ZSCAN23: variants seen among roughly 807,000 people sequenced by gnomAD.
The protein encoded by ZSCAN23 is zinc finger and SCAN domain-containing protein 23.
A neutral mutation model predicts 19.3 loss-of-function variants in ZSCAN23; 19 were observed. That is an observed-to-expected ratio of 0.99 (90% CI 0.69 to 1.45). The LOEUF (loss-of-function observed/expected upper bound fraction) is 1.45, where lower values mean the gene tolerates loss of function less well. Among genes scored for constraint, ZSCAN23 ranks in the 40% most tolerant of loss-of-function variants. The pLI, the probability that ZSCAN23 is intolerant of heterozygous loss-of-function variation, is 0.00. For synonymous variants in ZSCAN23, 140 were observed against 166.2 expected (o/e 0.84, Z 1.21); for missense variants, 372 against 462.5 (o/e 0.80, Z 1.79).
At chr6:28,440,838 T>G (rs1027706143) in intron 1 of ZSCAN23, among the ~76,000 whole-genome samples, 4 of 152,190 alleles carry the variant, frequency 2.6e-5, no homozygotes, top group African/African-American at 9.7e-5. Flanking sequence ...ATTTTTGCTT[T>G]CCTTCACCTG....
chr6:28,439,290 T>C (rs1447511680), intron 1 of ZSCAN23, among the ~76,000 whole-genome samples: 2 of 152,088 alleles, frequency 1.3e-5, no homozygotes, highest in Non-Finnish European at 2.9e-5. Flanking sequence ...GGTTTCACCA[T>C]GTTGGCCAGG....
At chr6:28,424,564 CA>C in the ZSCAN23 span, among the ~76,000 whole-genome samples, 1 of 152,212 alleles carries the variant, frequency 6.6e-6, no homozygotes, top group African/African-American at 2.4e-5. Flanking sequence ...ACTGCTTTAT[CA>C]GTCAAGTTTA....
chr6:28,428,529 C>G (rs1024128291), downstream of ZSCAN23, among the ~76,000 whole-genome samples: 1 of 152,196 alleles, frequency 6.6e-6, no homozygotes, highest in African/African-American at 2.4e-5. Flanking sequence ...AATCTGTAAT[C>G]TTTAACACAG....
chr6:28,426,330 G>A, the ZSCAN23 span, among the ~76,000 whole-genome samples: 3 of 152,136 alleles, frequency 2.0e-5, no homozygotes, highest in Admixed American at 6.6e-5. Flanking sequence ...TTCCTTTCAC[G>A]TGAACACTGA....
At chr6:28,426,007 C>T in the ZSCAN23 span, among the ~76,000 whole-genome samples, 4 of 152,198 alleles carry the variant, frequency 2.6e-5, no homozygotes, top group South Asian at 2.1e-4. Context: ...CTCTCTCAGC[C>T]GTCACAGAAT....
chr6:28,442,506 T>G (rs1161383761), intron 1 of ZSCAN23, among the ~76,000 whole-genome samples: 4 of 152,348 alleles, frequency 2.6e-5, no homozygotes, highest in African/African-American at 9.6e-5. Context: ...GGCTGTTTCA[T>G]CAGGTTTGCA....
At chr6:28,439,841 A>G (rs558263656) in intron 1 of ZSCAN23, among the ~76,000 whole-genome samples, 9 of 152,302 alleles carry the variant, frequency 5.9e-5, no homozygotes, top group South Asian at 2.1e-4. Flanking sequence ...AAACCCAACA[A>G]ATCTGACATC....
chr6:28,442,938 T>G (rs1160291365), intron 1 of ZSCAN23, among the ~76,000 whole-genome samples: 1 of 152,198 alleles, frequency 6.6e-6, no homozygotes, highest in African/African-American at 2.4e-5. Flanking sequence ...GTAGATGCTA[T>G]TTATTCTTTT....
the ZSCAN23 span, among the ~76,000 whole-genome samples, chr6:28,421,891 C>CA: frequency 2.6e-5 from 4 of 151,376 alleles, no homozygotes; most frequent in Non-Finnish European, 5.9e-5. Context: ...ACAAAATGAA[C>CA]AAAAAAAAGT....
In ZSCAN23 at chr6:28,434,929, A is replaced by G. The variant is rs745407757; in HGVS notation, c.706T>C (p.Leu236=). Residue 236 remains leucine, a synonymous_variant, in exon 4 of 4, where the codon TTG becomes CTG. Transcript: ENST00000289788. The part of the protein sequence containing the change: ...YGDTCDREGR[L]EKQRVSSSVE... ...GAAGAGCTCACCCTTTGCTTTTCCA[A>G]TCTGCCCTCACGGTCACAGGTATCT... The G allele has an allele frequency of 7.7e-6, 12 of 1,552,052 alleles. No homozygotes were observed. The highest frequency in any genetic ancestry group is 2.4e-5 in the South Asian group (2 of 84,078).
At chr6:28,431,851 A>G (rs981310798), downstream of ZSCAN23, 2 of 152,058 alleles carry the variant, frequency 1.3e-5, no homozygotes, top group African/African-American at 4.8e-5. Context: ...TCTTGGCAAC[A>G]CTCTGTCTCT....
chr6:28,434,765 T>C lies in ZSCAN23; in HGVS notation c.870A>G (p.Ser290=). The C allele has an allele frequency of 6.2e-7, 1 of 1,602,740 alleles. No homozygotes were observed. Among genetic ancestry groups the C allele is most frequent in the Non-Finnish European group, 8.5e-7 (1 of 1,174,420 alleles). ...DECGRAFSQR[S]GLFQHQRLHT... is the part of the protein sequence containing the mutation. ...GGAGTCTCTGGTGCTGGAATAGGCC[T>C]GACCTCTGGCTGAAGGCCCGCCCAC... The change falls in exon 4 of 4, where the codon TCA becomes TCG. Residue 290 remains serine, a synonymous_variant. Coordinates refer to ENST00000289788, the MANE Select transcript of ZSCAN23 (RefSeq NM_001012455.2).
At chr6:28,435,146 A>G (rs1761852060) in intron 3 of ZSCAN23, 68 bp from the exon 4 acceptor site, 6 of 1,449,762 alleles carry the variant, frequency 4.1e-6, no homozygotes, top group Middle Eastern at 1.9e-4. Context: ...TCCAAAGACA[A>G]AAGAAAAAAA....
At chr6:28,431,349 A>G (rs1408176046), downstream of ZSCAN23, among the ~76,000 whole-genome samples, 6 of 151,894 alleles carry the variant, frequency 4.0e-5, no homozygotes, top group Non-Finnish European at 8.8e-5. Flanking sequence ...TGGGGACCGT[A>G]CCTCCTGGTT....
chr6:28,435,611 G>A lies in ZSCAN23; in HGVS notation c.409-4C>T, dbSNP rs1269474960. 25 of 1,549,896 alleles carry A rather than the reference G, an allele frequency of 1.6e-5. No homozygotes were observed. Among genetic ancestry groups the A allele is most frequent in the Non-Finnish European group, 1.8e-5 (21 of 1,146,508 alleles). On this transcript the variant is annotated splice_region_variant and splice_polypyrimidine_tract_variant and intron_variant, in intron 2 of 3. Transcript: ENST00000289788. ...GTTCATGAGCATGGCTCAGGACCTGGTGGAAATCAAGGACAGTTGGGAACC... is the reference window on the plus strand; with the variant it reads ...GTTCATGAGCATGGCTCAGGACCTGATGGAAATCAAGGACAGTTGGGAACC...
At chr6:28,430,860 C>T (rs943383300), downstream of ZSCAN23, among the ~76,000 whole-genome samples, 2 of 152,122 alleles carry the variant, frequency 1.3e-5, no homozygotes, top group Non-Finnish European at 2.9e-5. Flanking sequence ...CCCCTTCATC[C>T]GACTACCTGC....
chr6:28,429,770 A>T (rs1017109430), downstream of ZSCAN23, among the ~76,000 whole-genome samples: 1 of 152,186 alleles, frequency 6.6e-6, no homozygotes, highest in Non-Finnish European at 1.5e-5. Flanking sequence ...CAAGCCCTGG[A>T]AAAGGGGGCA....
rs1336842832 is a variant in ZSCAN23 at position 28,435,462 on chromosome 6, A to G, written c.554T>C (p.Ile185Thr). The G allele has an allele frequency of 3.2e-6, 5 of 1,550,764 alleles. 1 individual carries two copies. In the South Asian group the frequency reaches 3.6e-5, roughly 11 times the overall value. Residue 185 changes from isoleucine (I) to threonine (T), a missense_variant and splice_region_variant, in exon 3 of 4, where the codon ATT (isoleucine) becomes ACT (threonine). Physicochemically the swap from Ile to Thr is moderately conservative, Grantham distance 89. Transcript: ENST00000289788. ...TCTGAGGAAATCCTGATCCTCACCA[A>G]TCTCTTGAACTGGGCACACCTCTCG... ...NLREVCPVQE[I>T]DGKAGTWNVE...
At position 28,434,342 on chromosome 6, in the gene ZSCAN23, A is replaced by ATAT. The variant is rs1464215145; in HGVS notation, c.*120_*122dup. ...AGAGAACTCGGCAGATGTATTTAAG[A>ATAT]TATTATGCTTCTCTCTGCATAAAAG... On this transcript the variant is annotated 3_prime_UTR_variant, in exon 4 of 4. Coordinates refer to ENST00000289788, the MANE Select transcript of ZSCAN23 (RefSeq NM_001012455.2). The ATAT allele has an allele frequency of 7.9e-6, 9 of 1,140,486 alleles. No homozygotes were observed. The highest frequency in any genetic ancestry group is 2.4e-6 in the Non-Finnish European group (2 of 826,162). 70.6% of individuals were successfully genotyped at this position (1,140,486 alleles called of 1,614,324 possible). A position where few individuals can be genotyped will look rare whatever the true frequency, so the allele number is the denominator to read the frequency against.
Sources: gnomAD v4.1 joint callset for allele counts (sites outside exome capture counted in the v4.1 genomes callset) on GRCh38, gnomAD v4.1.1 for gene constraint, MANE v1.5 for transcripts, NCBI Gene and HGNC (gene_info 2026-07-23, HGNC 2026-07-21) for gene names.